The following RCOR1 variants were observed in gnomAD, a reference collection of about 807,000 sequenced individuals.
RCOR1 encodes REST corepressor.
A neutral mutation model predicts 64.0 loss-of-function variants in RCOR1; 12 were observed. The observed-to-expected ratio is 0.19, with a 90% CI of 0.12 to 0.30. RCOR1 has a LOEUF of 0.30. Ranked by LOEUF, RCOR1 falls within the 10% of genes least tolerant of loss-of-function variation. The pLI is 1.00. For synonymous variants in RCOR1, 279 were observed against 227.2 expected (o/e 1.23, Z -2.05); for missense variants, 502 against 621.2 (o/e 0.81, Z 2.04).
chr14:102,601,907 C>G (rs888587592), intron 2 of RCOR1, among the ~76,000 whole-genome samples: 6 of 152,148 alleles, frequency 3.9e-5, no homozygotes, highest in African/African-American at 1.4e-4. Flanking sequence ...GTGTGTAATT[C>G]CAGCACTTTG....
intron 2 of RCOR1, among the ~76,000 whole-genome samples, chr14:102,644,780 T>G (rs1006794090): frequency 6.6e-6 from 1 of 152,250 alleles, no homozygotes; most frequent in Non-Finnish European, 1.5e-5. Context: ...CACAGTAGTT[T>G]CTCATCCATT....
intron 2 of RCOR1, among the ~76,000 whole-genome samples, chr14:102,595,712 A>G (rs1893228523): frequency 6.6e-6 from 1 of 151,038 alleles, no homozygotes; most frequent in Admixed American, 6.6e-5. Flanking sequence ...CCAGAGTAGC[A>G]GGGACTACAG....
rs548489257 is a variant in RCOR1 at position 102,644,904 on chromosome 14, C to T, written c.362-36991C>T. 3.3e-5 allele frequency among the ~76,000 whole-genome samples: 5 copies of T among 152,248 alleles called. No homozygotes were observed. The South Asian group carries it at 1.0e-3, about 32-fold the overall frequency. ...GTTTCTGCTGAGAATTTTGTTTTGT[C>T]TTCTGAGTTACCCTTTTCCCTAAGA... On this transcript the variant is annotated intron_variant, in intron 2 of 11. Transcript: ENST00000262241.
intron 2 of RCOR1, chr14:102,655,380 C>T (rs1894701971): frequency 2.0e-6 from 2 of 985,094 alleles, no homozygotes; most frequent in South Asian, 9.4e-5. Flanking sequence ...GGGCATTTTT[C>T]CCTTTGTGAA....
At chr14:102,687,879 A>G (rs1372899609) in intron 3 of RCOR1, among the ~76,000 whole-genome samples, 1 of 151,902 alleles carries the variant, frequency 6.6e-6, no homozygotes, top group Non-Finnish European at 1.5e-5. Context: ...TTGACATTTG[A>G]TTGAAATGTG....
chr14:102,626,271 C>T (rs1893979907), intron 2 of RCOR1, among the ~76,000 whole-genome samples: 1 of 152,198 alleles, frequency 6.6e-6, no homozygotes, highest in Admixed American at 6.5e-5. Context: ...GTGTTTTACT[C>T]TCATTCCCCG....
chr14:102,707,603 A>G (rs1895881247), intron 5 of RCOR1, 91 bp downstream of exon 5: 1 of 1,069,444 alleles, frequency 9.4e-7, no homozygotes, highest in Non-Finnish European at 1.3e-6. Flanking sequence ...ATACTCAAAC[A>G]TAAATATTCC....
intron 11 of RCOR1, among the ~76,000 whole-genome samples, chr14:102,725,347 C>T (rs1156933861): frequency 6.6e-6 from 1 of 152,174 alleles, no homozygotes; most frequent in Non-Finnish European, 1.5e-5. Context: ...CAGTAAGACG[C>T]TATGCAGCCT....
intron 2 of RCOR1, among the ~76,000 whole-genome samples, chr14:102,672,537 G>A (rs1895051184): frequency 6.6e-6 from 1 of 152,102 alleles, no homozygotes; most frequent in African/African-American, 2.4e-5. Flanking sequence ...AATCTTTTGA[G>A]GAATGGCACC....
chr14:102,616,007 A>G (rs1409289791), intron 2 of RCOR1, among the ~76,000 whole-genome samples: 1 of 152,200 alleles, frequency 6.6e-6, no homozygotes, highest in Non-Finnish European at 1.5e-5. Context: ...ATGGTGACAC[A>G]TCACACAGGT....
At chr14:102,617,779 G>A (rs914788544) in intron 2 of RCOR1, among the ~76,000 whole-genome samples, 1 of 151,332 alleles carries the variant, frequency 6.6e-6, no homozygotes, top group Non-Finnish European at 1.5e-5. Context: ...TAGTAGAGAC[G>A]GGGTTTCACC....
intron 2 of RCOR1, among the ~76,000 whole-genome samples, chr14:102,676,217 G>A (rs1895147383): frequency 6.7e-6 from 1 of 150,348 alleles, no homozygotes; most frequent in South Asian, 2.1e-4. Flanking sequence ...TCCCCAATGA[G>A]CCGCTGGGCA....
At chr14:102,710,342 T>C (rs1462037981) in intron 6 of RCOR1, among the ~76,000 whole-genome samples, 1 of 152,250 alleles carries the variant, frequency 6.6e-6, no homozygotes. Context: ...AATGAAATAC[T>C]ACATTCAGGA....
At chr14:102,601,859 G>A (rs1173051774) in intron 2 of RCOR1, among the ~76,000 whole-genome samples, 1 of 152,158 alleles carries the variant, frequency 6.6e-6, no homozygotes, top group Non-Finnish European at 1.5e-5. Flanking sequence ...ACTCAAGGCT[G>A]TCAGAATTCC....
At chr14:102,724,622 C>T (rs915585844) in intron 11 of RCOR1, among the ~76,000 whole-genome samples, 18 of 152,166 alleles carry the variant, frequency 1.2e-4, no homozygotes, top group African/African-American at 4.1e-4. Context: ...CATGAGCCAC[C>T]GTGCCCGGCC....
At chr14:102,652,350 C>T (rs951085897) in intron 2 of RCOR1, among the ~76,000 whole-genome samples, 5 of 152,198 alleles carry the variant, frequency 3.3e-5, no homozygotes, top group African/African-American at 1.2e-4. Context: ...TAAAGAATGA[C>T]TTAACAGTGA....
intron 2 of RCOR1, among the ~76,000 whole-genome samples, chr14:102,677,341 C>T (rs887000105): frequency 7.3e-6 from 1 of 136,452 alleles, no homozygotes; most frequent in Non-Finnish European, 1.6e-5. Context: ...GGGGGCTGAC[C>T]CCCCCCCCAC....
chr14:102,639,060 G>A (rs186608364), intron 2 of RCOR1, among the ~76,000 whole-genome samples: 16 of 152,224 alleles, frequency 1.1e-4, no homozygotes, highest in Non-Finnish European at 2.1e-4. Context: ...TGTATCCATG[G>A]GAACATAAGT....
chr14:102,653,791 A>C (rs1894643629), intron 2 of RCOR1, among the ~76,000 whole-genome samples: 1 of 151,968 alleles, frequency 6.6e-6, no homozygotes, highest in Non-Finnish European at 1.5e-5. Context: ...CACCATGATT[A>C]TAAGTTTACT....
Sources: allele counts gnomAD v4.1 joint callset (sites outside exome capture counted in the v4.1 genomes callset), GRCh38; gene constraint gnomAD v4.1.1; transcripts MANE v1.5; gene names NCBI Gene and HGNC (gene_info 2026-07-23, HGNC 2026-07-21).